VPS50: variants seen among roughly 807,000 people sequenced by gnomAD.
VPS50 encodes syndetin.
In VPS50, 70 loss-of-function variants were observed where a neutral mutation model predicts 139.7. That is an observed-to-expected ratio of 0.50 (90% confidence interval 0.41 to 0.61). The LOEUF is 0.61. Ranked by LOEUF, VPS50 falls within the 20% of genes least tolerant of loss-of-function variation. The probability of loss-of-function intolerance (pLI) is 0.00; values close to 1 mark genes in which losing one functional copy is unlikely to be tolerated. For missense variants in VPS50, 921 were observed against 1,133.7 expected (o/e 0.81, Z 2.69); for synonymous variants, 365 against 376.7 (o/e 0.97, Z 0.36).
At chr7:93,250,495 A>C (rs940652502) in intron 2 of VPS50, among the ~76,000 whole-genome samples, 2 of 152,184 alleles carry the variant, frequency 1.3e-5, no homozygotes, top group African/African-American at 4.8e-5. Flanking sequence ...TTGGCTAGCC[A>C]TATGCAGAAA....
chr7:93,256,425 C>CT (rs1305960140), intron 4 of VPS50, 84 bp from the exon 5 acceptor site: 14 of 666,172 alleles, frequency 2.1e-5, no homozygotes, highest in Non-Finnish European at 2.9e-5. Context: ...ATGGAATATT[C>CT]TTTTAAAAAT....
At chr7:93,311,847 A>G (rs1012944668) in intron 20 of VPS50, among the ~76,000 whole-genome samples, 2 of 152,146 alleles carry the variant, frequency 1.3e-5, no homozygotes, top group Non-Finnish European at 2.9e-5. Flanking sequence ...TAAAATCAGT[A>G]TTTCAACATC....
chr7:93,240,153 CTT>C (rs1174824081), intron 2 of VPS50, among the ~76,000 whole-genome samples: 1 of 150,918 alleles, frequency 6.6e-6, no homozygotes, highest in Non-Finnish European at 1.5e-5. Context: ...AAAATGCAAA[CTT>C]GATAAATTTG....
At chr7:93,337,011 A>G (rs753754877) in intron 22 of VPS50, among the ~76,000 whole-genome samples, 3 of 152,186 alleles carry the variant, frequency 2.0e-5, no homozygotes, top group Non-Finnish European at 2.9e-5. Flanking sequence ...TTGTACTCCT[A>G]TAAACTGAAA....
chr7:93,278,306 A>G (rs1209671100), intron 12 of VPS50, among the ~76,000 whole-genome samples: 3 of 152,116 alleles, frequency 2.0e-5, no homozygotes, highest in Non-Finnish European at 4.4e-5. Flanking sequence ...TTCACTTTTT[A>G]AAGAAGCTGA....
intron 10 of VPS50, 86 bp from the exon 11 acceptor site, chr7:93,272,549 T>C: frequency 1.9e-6 from 1 of 532,806 alleles, no homozygotes; most frequent in Non-Finnish European, 3.3e-6. Context: ...TAACTAAAAG[T>C]GAGAAATTAG....
intron 11 of VPS50, among the ~76,000 whole-genome samples, chr7:93,273,805 A>C (rs2116887904): frequency 6.6e-6 from 1 of 152,238 alleles, no homozygotes; most frequent in African/African-American, 2.4e-5. Context: ...TTTATGACAA[A>C]CCTGCATCAA....
chr7:93,272,565 A>C, intron 10 of VPS50, 70 bp from the exon 11 acceptor site: 1 of 611,716 alleles, frequency 1.6e-6, no homozygotes, highest in African/African-American at 1.9e-5. Flanking sequence ...ATTAGTCTTA[A>C]TGTTTTCTTC....
chr7:93,254,077 C>A, intron 4 of VPS50, 146 bp downstream of exon 4: 1 of 488,202 alleles, frequency 2.0e-6, no homozygotes, highest in Non-Finnish European at 3.7e-6. Flanking sequence ...TCAAATGATG[C>A]ATTTACATTA....
intron 20 of VPS50, among the ~76,000 whole-genome samples, chr7:93,317,789 T>A (rs1285242608): frequency 6.6e-6 from 1 of 152,232 alleles, no homozygotes; most frequent in Non-Finnish European, 1.5e-5. Flanking sequence ...ACATAACAGA[T>A]AATTAAAATA....
chr7:93,282,217 C>A (rs1036557337), intron 12 of VPS50, among the ~76,000 whole-genome samples: 12 of 150,056 alleles, frequency 8.0e-5, no homozygotes, highest in Admixed American at 1.3e-4. Context: ...AAAAAAAAAA[C>A]AAAAAACAAT....
chr7:93,284,861 C>T (rs1796437500), intron 12 of VPS50, among the ~76,000 whole-genome samples: 2 of 152,186 alleles, frequency 1.3e-5, no homozygotes, highest in African/African-American at 4.8e-5. Flanking sequence ...CTATGCAGTA[C>T]TACCTCTCTG....
intron 21 of VPS50, among the ~76,000 whole-genome samples, chr7:93,328,920 T>C (rs962977634): frequency 6.6e-6 from 1 of 151,544 alleles, no homozygotes; most frequent in Non-Finnish European, 1.5e-5. Context: ...TGCAGCCCAG[T>C]GAAAGAAAAA....
intron 21 of VPS50, among the ~76,000 whole-genome samples, chr7:93,332,507 A>C (rs978985941): frequency 4.6e-5 from 7 of 152,216 alleles, no homozygotes; most frequent in African/African-American, 1.7e-4. Flanking sequence ...ATTCACATAC[A>C]TTGTGTGAAG....
chr7:93,254,749 A>G (rs1362664096), intron 4 of VPS50, among the ~76,000 whole-genome samples: 1 of 152,136 alleles, frequency 6.6e-6, no homozygotes, highest in African/African-American at 2.4e-5. Flanking sequence ...TAATTTCTTT[A>G]TGTTAGGCTA....
At chr7:93,296,222 A>G (rs535419870) in intron 14 of VPS50, among the ~76,000 whole-genome samples, 30 of 152,114 alleles carry the variant, frequency 2.0e-4, no homozygotes, top group Non-Finnish European at 4.1e-4. Context: ...GAGGTTTGAC[A>G]TATATTTTCT....
At chr7:93,288,717 A>G (rs1379565876) in intron 12 of VPS50, among the ~76,000 whole-genome samples, 1 of 152,154 alleles carries the variant, frequency 6.6e-6, no homozygotes, top group Non-Finnish European at 1.5e-5. Flanking sequence ...TAATAGGGAA[A>G]AGAGTCCAGT....
intron 9 of VPS50, among the ~76,000 whole-genome samples, chr7:93,269,566 T>G (rs1056307580): frequency 2.0e-5 from 3 of 152,112 alleles, no homozygotes; most frequent in Non-Finnish European, 2.9e-5. Flanking sequence ...CATCAAAAAC[T>G]GTGTGCTTGT....
chr7:93,250,497 A>G (rs778572393), intron 2 of VPS50, among the ~76,000 whole-genome samples: 1 of 152,202 alleles, frequency 6.6e-6, no homozygotes, highest in Non-Finnish European at 1.5e-5. Flanking sequence ...GGCTAGCCAT[A>G]TGCAGAAAGC....
Sources: allele counts gnomAD v4.1 joint callset (sites outside exome capture counted in the v4.1 genomes callset), GRCh38; gene constraint gnomAD v4.1.1; transcripts MANE v1.5; gene names NCBI Gene and HGNC (gene_info 2026-07-23, HGNC 2026-07-21).